CDC25B: variants seen among roughly 807,000 people sequenced by gnomAD.
CDC25B encodes cell division cycle 25B.
A neutral mutation model predicts 69.8 loss-of-function variants in CDC25B; 33 were observed. That is an observed-to-expected ratio of 0.47 (90% CI 0.36 to 0.63). The LOEUF (loss-of-function observed/expected upper bound fraction) is 0.63, where lower values mean the gene tolerates loss of function less well. Ranked by LOEUF, CDC25B falls within the 30% of genes least tolerant of loss-of-function variation. CDC25B has a pLI of 0.00. For missense variants in CDC25B, 727 were observed against 809.1 expected (o/e 0.90, Z 1.23); for synonymous variants, 341 against 314.6 (o/e 1.08, Z -0.89).
chr20:3,792,991 G>T (rs1215932559), upstream of CDC25B, among the ~76,000 whole-genome samples: 1 of 152,188 alleles, frequency 6.6e-6, no homozygotes, highest in Non-Finnish European at 1.5e-5. Flanking sequence ...TGTGCTGGGG[G>T]TGTAAAATGC....
At chr20:3,802,452 C>T (rs2089321886) in intron 11 of CDC25B, 76 bp downstream of exon 11, 2 of 989,132 alleles carry the variant, frequency 2.0e-6, no homozygotes, top group Non-Finnish European at 3.1e-6. Flanking sequence ...CCAGGGGCTG[C>T]TTGGGTTCCT....
intron 6 of CDC25B, 50 bp from the exon 7 acceptor site, chr20:3,800,921 G>A: frequency 6.2e-7 from 1 of 1,612,254 alleles, no homozygotes; most frequent in Non-Finnish European, 8.5e-7. Context: ...GGGGCATGCT[G>A]GGGTGGTTCC....
At position 3,796,555 on chromosome 20, in the gene CDC25B, C is replaced by T; in HGVS notation, c.24C>T (p.Pro8=). The change falls in exon 1 of 16, where the codon CCC becomes CCT. Residue 8 remains proline, a synonymous_variant. Coordinates refer to ENST00000245960, the MANE Select transcript of CDC25B (RefSeq NM_021873.4). ...CGATGGAGGTGCCCCAGCCGGAGCC[C>T]GCGCCAGGCTCGGCTCTCAGTCCAG... The part of the protein sequence containing the change: MEVPQPE[P]APGSALSPAG... The T allele has an allele frequency of 4.7e-6, 7 of 1,479,176 alleles. No homozygotes were observed. Among genetic ancestry groups the T allele is most frequent in the Non-Finnish European group, 6.2e-6 (7 of 1,122,184 alleles). The allele number at this position is 1,479,176 out of a possible 1,614,324, so 91.6% of individuals were successfully genotyped here. A position where few individuals can be genotyped will look rare whatever the true frequency, so the allele number is the denominator to read the frequency against.
rs777182097 is a variant in CDC25B at position 3,803,394 on chromosome 20, C to T, written c.1357-10C>T. 8 of 1,614,108 alleles carry T rather than the reference C, an allele frequency of 5.0e-6. No individual in the cohort carries two copies. Among genetic ancestry groups the T allele is most frequent in the South Asian group, 2.2e-5 (2 of 91,080 alleles). ...CCGGGGCTGTGCCTGACCTCTGGCT[C>T]CTCTGACAGACTGCGGTGAACTTGC... On this transcript the variant is annotated splice_polypyrimidine_tract_variant and intron_variant, in intron 13 of 15. Coordinates refer to ENST00000245960, the MANE Select transcript of CDC25B (RefSeq NM_021873.4). This position sits in a 1 kb window ranked among gnomAD's most constrained non-coding sequence, Gnocchi z 4.9.
chr20:3,795,144 G>A (rs747384106), upstream of CDC25B, among the ~76,000 whole-genome samples: 53 of 152,216 alleles, frequency 3.5e-4, no homozygotes, highest in Non-Finnish European at 6.8e-4. Flanking sequence ...GGTGGATCAC[G>A]AGGTCAGGAG....
Position 3,801,972 on chromosome 20 carries a change from A to C in CDC25B, c.970A>C (p.Met324Leu). Reference protein sequence around the residue: ...KCQRLFRSPSMPCSVIRPILK... With the variant: ...KCQRLFRSPSLPCSVIRPILK... Reference sequence around the variant, plus strand: ...CCAGCGGCTCTTCCGCTCTCCGTCCATGCCCTGCAGCGTGATCCGGCCCAT... The same window carrying C: ...CCAGCGGCTCTTCCGCTCTCCGTCCCTGCCCTGCAGCGTGATCCGGCCCAT... The change falls in exon 10 of 16, where the codon ATG becomes CTG. Residue 324 changes from methionine to leucine, a missense_variant. Met to Leu is a conservative substitution (Grantham distance 15). Around this residue, in one of 2 missense-constraint regions of CDC25B, gnomAD observed 359 missense variants for 463.4 expected, o/e 0.77. Coordinates refer to ENST00000245960, the MANE Select transcript of CDC25B (RefSeq NM_021873.4). The C allele has an allele frequency of 1.2e-6, 2 of 1,611,978 alleles. No individual in the cohort carries two copies. The highest frequency in any genetic ancestry group is 2.2e-5 in the South Asian group (2 of 90,596).
rs6052077 is a variant in CDC25B, at chr20:3,787,388, A to G, written c.8+249A>G. On this transcript the variant is annotated intron_variant, in intron 1 of 15. Coordinates refer to the CDC25B transcript ENST00000344256. ...TAGCGTATGTAACCTATTGTTACAC[A>G]CTTAAGTTATTTTTAAAATCAGCAT... 8.2e-3 allele frequency among the ~76,000 whole-genome samples: 1,256 copies of G among 152,260 alleles called. 17 individuals carry two copies. Among genetic ancestry groups the G allele is most frequent in the African/African-American group, 0.029 (1,188 of 41,530 alleles).
intron 11 of CDC25B, 172 bp from the exon 12 acceptor site, chr20:3,802,738 C>G: frequency 1.6e-6 from 1 of 631,972 alleles, no homozygotes; most frequent in South Asian, 1.9e-5. Context: ...AGGTTGTTCC[C>G]TGGGTGTCAG....
At position 3,801,077 on chromosome 20, in the gene CDC25B, C is replaced by T. The variant is rs573830932; in HGVS notation, c.689C>T (p.Ser230Leu). 21 of 1,614,022 alleles carry T rather than the reference C, an allele frequency of 1.3e-5. No homozygotes were observed. The South Asian group carries it at 1.6e-4, about 13-fold the overall frequency. Residue 230 changes from serine to leucine, a missense_variant, in exon 7 of 16, where the codon TCG (serine) becomes TTG (leucine). Around this residue, in one of 2 missense-constraint regions of CDC25B, gnomAD observed 368 missense variants for 345.6 expected, o/e 1.06. Coordinates refer to ENST00000245960, the MANE Select transcript of CDC25B (RefSeq NM_021873.4). ...GAAGCCTTTGCCCAGAGACCCAGCT[C>T]GGCCCCCGACCTGATGGTACATCCA... ...RREAFAQRPS[S>L]APDLMCLSPD...
chr20:3,802,010 G>A lies in CDC25B; in HGVS notation c.1008G>A (p.Leu336=), dbSNP rs1477924184. 1.9e-6 allele frequency: 3 copies of A among 1,599,906 alleles called. No homozygotes were observed. Among genetic ancestry groups the A allele is most frequent in the African/African-American group, 1.3e-5 (1 of 74,438 alleles). Reference sequence around the variant, plus strand: ...TGATCCGGCCCATCCTCAAGAGGCTGGAGCGGCCCCAGGACAGGGACACGC... The same window carrying A: ...TGATCCGGCCCATCCTCAAGAGGCTAGAGCGGCCCCAGGACAGGGACACGC... ...CSVIRPILKR[L]ERPQDRDTPV... The change falls in exon 10 of 16, where the codon CTG becomes CTA. Residue 336 remains leucine, a synonymous_variant. Transcript: ENST00000245960.
In CDC25B at chr20:3,798,446, C is replaced by T; in HGVS notation, c.363C>T (p.Pro121=). The part of the protein sequence containing the change: ...LCMDSPSPMD[P]HMAEQTFEQA... ...TGGATTCCCCCAGCCCTATGGACCCCCACATGGCGGAGCAGACGTGAGTAG... is the reference window on the plus strand; with the variant it reads ...TGGATTCCCCCAGCCCTATGGACCCTCACATGGCGGAGCAGACGTGAGTAG... Residue 121 remains proline (P), a synonymous_variant, in exon 3 of 16, where the codon CCC becomes CCT. Transcript: ENST00000245960. 1 of 1,599,288 alleles carries T rather than the reference C, an allele frequency of 6.3e-7. No individual in the cohort carries two copies. The highest frequency in any genetic ancestry group is 8.5e-7 in the Non-Finnish European group (1 of 1,172,562).
intron 15 of CDC25B, 49 bp from the exon 16 acceptor site, chr20:3,804,772 T>TGCCAAACTTACCCATTCCAC (rs1568513812): frequency 6.2e-7 from 1 of 1,609,442 alleles, no homozygotes; most frequent in Non-Finnish European, 8.5e-7. Flanking sequence ...GTTGGGTCCC[T>TGCCAAACTTACCCATTCCAC]GCCAAACTTA....
upstream of CDC25B, among the ~76,000 whole-genome samples, chr20:3,793,567 T>TTC (rs2088951207): frequency 1.5e-5 from 2 of 131,752 alleles, no homozygotes; most frequent in African/African-American, 6.2e-5. Flanking sequence ...TTTTTGGTTT[T>TTC]AGAGAATTTT....
upstream of CDC25B, chr20:3,795,612 C>T: frequency 1.5e-6 from 1 of 649,782 alleles, no homozygotes; most frequent in Non-Finnish European, 1.9e-6. Context: ...CCTGGGGCTG[C>T]CGCGAAAATT....
Position 3,804,961 on chromosome 20 carries a change from AG to A in CDC25B, c.*4del. ...TCTGTAGCCGGCTGCAGGACCAGTGAGGGGCCTGCGCCAGTCCTGCTACCTC... is the reference window on the plus strand; with the variant it reads ...TCTGTAGCCGGCTGCAGGACCAGTGAGGGCCTGCGCCAGTCCTGCTACCTC... On this transcript the variant is annotated 3_prime_UTR_variant, in exon 16 of 16. Coordinates refer to ENST00000245960, the MANE Select transcript of CDC25B (RefSeq NM_021873.4). 6.2e-7 allele frequency: 1 copy of A among 1,611,432 alleles called. No homozygotes were observed. Among genetic ancestry groups the A allele is most frequent in the East Asian group, 2.2e-5 (1 of 44,864 alleles).
intron 14 of CDC25B, 66 bp from the exon 15 acceptor site, chr20:3,804,503 T>C: frequency 1.0e-6 from 1 of 991,524 alleles, no homozygotes; most frequent in South Asian, 1.3e-5. Context: ...ACGTGGGGGA[T>C]AGGTCCCATG....
In CDC25B at chr20:3,803,556, C is replaced by T. The variant is rs1420122197; in HGVS notation, c.1490+19C>T. On this transcript the variant is annotated intron_variant, in intron 14 of 15. Coordinates refer to ENST00000245960, the MANE Select transcript of CDC25B (RefSeq NM_021873.4). The surrounding 1 kb of genome is among the most constrained non-coding windows in gnomAD (Gnocchi z 4.9). ...CCCGCATGTGAGTCCCAGCTCCGCCCAGCCAGCTAGTGTCTGCCCTGGCCT... is the reference window on the plus strand; with the variant it reads ...CCCGCATGTGAGTCCCAGCTCCGCCTAGCCAGCTAGTGTCTGCCCTGGCCT... The T allele has an allele frequency of 1.9e-6, 3 of 1,613,680 alleles. No individual in the cohort carries two copies. Among genetic ancestry groups the T allele is most frequent in the Middle Eastern group, 1.7e-4 (1 of 6,060 alleles).
chr20:3,787,582 T>C lies in CDC25B; in HGVS notation c.8+443T>C, dbSNP rs566492224. Among the ~76,000 whole-genome samples, 45 of 152,346 alleles carry C rather than the reference T, an allele frequency of 3.0e-4. 1 individual carries two copies. The highest frequency in any genetic ancestry group is 1.1e-3 in the African/African-American group (44 of 41,582). On this transcript the variant is annotated intron_variant, in intron 1 of 15. Coordinates refer to the CDC25B transcript ENST00000344256. ...ACTTACAGAAATAACATCATGTATATACATAAGTGTGAATCCCTGAAGCCT... is the reference window on the plus strand; with the variant it reads ...ACTTACAGAAATAACATCATGTATACACATAAGTGTGAATCCCTGAAGCCT...
intron 3 of CDC25B, among the ~76,000 whole-genome samples, chr20:3,799,388 C>CAGCA (rs892908851): frequency 2.0e-5 from 3 of 152,188 alleles, no homozygotes; most frequent in African/African-American, 7.2e-5. Context: ...TGGCTGGGCA[C>CAGCA]AGCAGCCCCC....
Sources: gnomAD v4.1 joint callset for allele counts (sites outside exome capture counted in the v4.1 genomes callset) on GRCh38, gnomAD v4.1.1 for gene constraint, gnomAD v4.1.1 regional missense constraint, Gnocchi (gnomAD v3.1) non-coding constraint, MANE v1.5 for transcripts, NCBI Gene and HGNC (gene_info 2026-07-23, HGNC 2026-07-21) for gene names.